ZNF774: variants seen among roughly 807,000 people sequenced by gnomAD.
ZNF774 encodes the protein zinc finger protein 774.
ZNF774 carries 14 observed loss-of-function variants against 11.1 expected under a neutral mutation model. That is an observed-to-expected ratio of 1.26 (90% CI 0.83 to 1.97). The LOEUF (loss-of-function observed/expected upper bound fraction) is 1.97. ZNF774 is among the 30% of genes most tolerant of loss of function. ZNF774 has a pLI of 0.00. For missense variants in ZNF774, 599 were observed against 587.0 expected, an observed-to-expected ratio of 1.02 and a Z score of -0.21; for synonymous variants, 195 against 212.6, an observed-to-expected ratio of 0.92 and a Z score of 0.72.
In ZNF774 at chr15:90,362,455, A is replaced by G; in HGVS notation, c.*1172A>G. 2.4e-6 allele frequency: 3 copies of G among 1,230,226 alleles called. No individual in the cohort carries two copies. Among genetic ancestry groups the G allele is most frequent in the Non-Finnish European group, 3.4e-6 (3 of 870,512 alleles). The allele number at this position is 1,230,226 out of a possible 1,614,324, so 76.2% of individuals were successfully genotyped here. On this transcript the variant is annotated 3_prime_UTR_variant, in exon 4 of 4. Transcript: ENST00000354377. ...TGATATTACAGGGATCCTCCCTGGC[A>G]TTTAGCTGAAGGAAGCAACTCTTGT...
chr15:90,358,635 TC>T (rs1964279472), intron 2 of ZNF774, among the ~76,000 whole-genome samples: 1 of 152,214 alleles, frequency 6.6e-6, no homozygotes, highest in African/African-American at 2.4e-5. Flanking sequence ...TGGTTTTTTT[TC>T]TTTATGGGAG....
Position 90,358,932 on chromosome 15 carries a change from G to A in ZNF774, c.186G>A (p.Arg62=). The change falls in exon 3 of 4, where the codon AGG becomes AGA. Residue 62 remains arginine (R), a synonymous_variant. Coordinates refer to ENST00000354377, the MANE Select transcript of ZNF774 (RefSeq NM_001004309.3). ...WVLPLQNFEA[R]KIPRESHTDC... ...TACCACTCCAAAACTTTGAGGCGAG[G>A]AAGATCCCGAGGGAAAGCCACACAG... 1.2e-6 allele frequency: 2 copies of A among 1,613,824 alleles called. No individual in the cohort carries two copies. The highest frequency in any genetic ancestry group is 2.2e-5 in the South Asian group (2 of 91,078).
At chr15:90,354,819 G>T (rs1964221841) in intron 2 of ZNF774, 55 bp downstream of exon 2, 1 of 1,412,554 alleles carries the variant, frequency 7.1e-7, no homozygotes, top group Admixed American at 1.9e-5. Context: ...TTTTGAGACG[G>T]GGTCTCGCTC....
At position 90,360,241 on chromosome 15, in the gene ZNF774, G is replaced by C. The variant is rs1273882926; in HGVS notation, c.410G>C (p.Arg137Thr). Residue 137 changes from arginine to threonine, a missense_variant, in exon 4 of 4, where the codon AGG (arginine) becomes ACG (threonine). Coordinates refer to ENST00000354377, the MANE Select transcript of ZNF774 (RefSeq NM_001004309.3). ...CAGCTGGAGTCCTTTTCACAGGAGA[G>C]GGATTTAAACAAGCTCCTGGATGGA... Reference protein sequence around the residue: ...EGQLESFSQERDLNKLLDGYV... With the variant: ...EGQLESFSQETDLNKLLDGYV... 3 of 1,614,106 alleles carry C rather than the reference G, an allele frequency of 1.9e-6. No homozygotes were observed. Among genetic ancestry groups the C allele is most frequent in the Non-Finnish European group, 2.5e-6 (3 of 1,180,056 alleles).
In ZNF774 at chr15:90,360,604, C is replaced by T. The variant is rs1003689895; in HGVS notation, c.773C>T (p.Thr258Ile). The T allele has an allele frequency of 6.2e-7, 1 of 1,614,088 alleles. No homozygotes were observed. The highest frequency in any genetic ancestry group is 1.3e-5 in the African/African-American group (1 of 74,930). Residue 258 changes from threonine to isoleucine, a missense_variant, in exon 4 of 4, where the codon ACA becomes ATA. Physicochemically the swap from Thr to Ile is moderately conservative, Grantham distance 89 (BLOSUM62 -1). Coordinates refer to ENST00000354377, the MANE Select transcript of ZNF774 (RefSeq NM_001004309.3). ...CTCATAATGCACCAAAGAACCCACA[C>T]AGGCGAGAAGCCCTACGCGTGCCTG... is the stretch of plus-strand genomic sequence containing the variant. ...PHLIMHQRTH[T>I]GEKPYACLEC...
At position 90,360,954 on chromosome 15, in the gene ZNF774, T is replaced by C. The variant is rs754784539; in HGVS notation, c.1123T>C (p.Phe375Leu). 1 of 1,614,204 alleles carries C rather than the reference T, an allele frequency of 6.2e-7. No individual in the cohort carries two copies. Among genetic ancestry groups the C allele is most frequent in the Non-Finnish European group, 8.5e-7 (1 of 1,180,046 alleles). The change falls in exon 4 of 4, where the codon TTT becomes CTT. Residue 375 changes from phenylalanine (F) to leucine (L), a missense_variant. Phe to Leu is a conservative substitution (Grantham distance 22, BLOSUM62 0). Coordinates refer to ENST00000354377, the MANE Select transcript of ZNF774 (RefSeq NM_001004309.3). ...AAGAACACACACAGGTGAGAGACCTTTTAAGTGCGAAAACTGTGGGAAAGG... is the reference window on the plus strand; with the variant it reads ...AAGAACACACACAGGTGAGAGACCTCTTAAGTGCGAAAACTGTGGGAAAGG... ...HQRTHTGERP[F>L]KCENCGKGFA...
intron 1 of ZNF774, among the ~76,000 whole-genome samples, chr15:90,352,980 T>A (rs2151680037): frequency 6.6e-6 from 1 of 152,144 alleles, no homozygotes; most frequent in Non-Finnish European, 1.5e-5. Flanking sequence ...ACTCTTTTTT[T>A]TTTTTAGACG....
In ZNF774 at chr15:90,360,471, A is replaced by G; in HGVS notation, c.640A>G (p.Lys214Glu). ...GCCCTACCAATGCAAGGGGTGTGAGAAGAAATTCAGCGACAGCTCAACACT... is the reference window on the plus strand; with the variant it reads ...GCCCTACCAATGCAAGGGGTGTGAGGAGAAATTCAGCGACAGCTCAACACT... ...EKPYQCKGCE[K>E]KFSDSSTLIK... is the part of the protein sequence containing the mutation. Residue 214 changes from lysine (K) to glutamate (E), a missense_variant, in exon 4 of 4, where the codon AAG becomes GAG. Transcript: ENST00000354377. 6.2e-7 allele frequency: 1 copy of G among 1,613,940 alleles called. No homozygotes were observed. The highest frequency in any genetic ancestry group is 8.5e-7 in the Non-Finnish European group (1 of 1,180,036).
In ZNF774 at chr15:90,360,964, A is replaced by G. The variant is rs1439176315; in HGVS notation, c.1133A>G (p.Glu378Gly). Residue 378 changes from glutamate (E) to glycine (G), a missense_variant, in exon 4 of 4, where the codon GAA (glutamate) becomes GGA (glycine). Transcript: ENST00000354377. The stretch of plus-strand genomic sequence containing the variant: ...ACAGGTGAGAGACCTTTTAAGTGCG[A>G]AAACTGTGGGAAAGGATTCGCCGAC... Reference protein sequence around the residue: ...THTGERPFKCENCGKGFADSS... With the variant: ...THTGERPFKCGNCGKGFADSS... The G allele has an allele frequency of 6.2e-7, 1 of 1,614,086 alleles. No individual in the cohort carries two copies. Among genetic ancestry groups the G allele is most frequent in the African/African-American group, 1.3e-5 (1 of 74,924 alleles).
chr15:90,358,220 C>T (rs1177487814), intron 2 of ZNF774, among the ~76,000 whole-genome samples: 4 of 152,170 alleles, frequency 2.6e-5, no homozygotes, highest in African/African-American at 9.7e-5. Flanking sequence ...GACATTGAGA[C>T]ACAGAGTTTA....
chr15:90,357,106 T>C (rs1197023087), intron 2 of ZNF774, among the ~76,000 whole-genome samples: 1 of 152,188 alleles, frequency 6.6e-6, no homozygotes, highest in African/African-American at 2.4e-5. Context: ...TTTAATACTT[T>C]GCAAAATGCC....
chr15:90,353,280 CTT>C (rs1189495237), intron 1 of ZNF774, among the ~76,000 whole-genome samples: 1 of 152,088 alleles, frequency 6.6e-6, no homozygotes, highest in African/African-American at 2.4e-5. Flanking sequence ...ACTGAAAACT[CTT>C]ATTACAATTT....
At chr15:90,352,887 CCCT>C (rs1331630086) in intron 1 of ZNF774, among the ~76,000 whole-genome samples, 5 of 152,094 alleles carry the variant, frequency 3.3e-5, no homozygotes, top group Non-Finnish European at 7.4e-5. Flanking sequence ...AAGACGTCTC[CCCT>C]CCTCAGTGGC....
rs1009184031 is a variant in ZNF774 at position 90,360,341 on chromosome 15, A to C, written c.510A>C (p.Leu170=). Reference sequence around the variant, plus strand: ...AGAGTTCCTATCTCATAAGACACCTAAGAACCCACACTGGCGAGAGGCCCT... The same window carrying C: ...AGAGTTCCTATCTCATAAGACACCTCAGAACCCACACTGGCGAGAGGCCCT... ...FNQSSYLIRH[L]RTHTGERPYT... Residue 170 remains leucine, a synonymous_variant, in exon 4 of 4, where the codon CTA becomes CTC. Coordinates refer to ENST00000354377, the MANE Select transcript of ZNF774 (RefSeq NM_001004309.3). 6.2e-7 allele frequency: 1 copy of C among 1,614,214 alleles called. No individual in the cohort carries two copies. Among genetic ancestry groups the C allele is most frequent in the Non-Finnish European group, 8.5e-7 (1 of 1,180,032 alleles).
chr15:90,355,320 T>C (rs1260512062), intron 2 of ZNF774: 3 of 456,018 alleles, frequency 6.6e-6, no homozygotes, highest in African/African-American at 2.0e-5. Flanking sequence ...CATAACTTTT[T>C]GACTTATGTA....
At chr15:90,354,165 G>A (rs1227653429) in intron 1 of ZNF774, among the ~76,000 whole-genome samples, 1 of 151,164 alleles carries the variant, frequency 6.6e-6, no homozygotes, top group Non-Finnish European at 1.5e-5. Flanking sequence ...TTGGGGTTCT[G>A]TATAATCTGT....
Position 90,361,320 on chromosome 15 carries a change from T to C in ZNF774, c.*37T>C, listed in dbSNP as rs1162856207. On this transcript the variant is annotated 3_prime_UTR_variant, in exon 4 of 4. Transcript: ENST00000354377. ...TGGTGTTCAGCTGCTCCCTTGCACA[T>C]TTTCATTGCTACTGTCTTCAAGCAC... 1 of 1,541,044 alleles carries C rather than the reference T, an allele frequency of 6.5e-7. No homozygotes were observed. Among genetic ancestry groups the C allele is most frequent in the Admixed American group, 2.0e-5 (1 of 49,874 alleles).
intron 2 of ZNF774, among the ~76,000 whole-genome samples, chr15:90,356,057 A>G (rs1320689999): frequency 6.7e-6 from 1 of 149,922 alleles, no homozygotes; most frequent in Non-Finnish European, 1.5e-5. Context: ...AAAAAAACCA[A>G]AAACACCTCC....
chr15:90,355,471 T>C, intron 2 of ZNF774: 1 of 455,862 alleles, frequency 2.2e-6, no homozygotes, highest in South Asian at 1.5e-5. Context: ...ACGCCTGTAA[T>C]CCCAGCACTT....
Sources: gnomAD v4.1 joint callset for allele counts (sites outside exome capture counted in the v4.1 genomes callset) on GRCh38, gnomAD v4.1.1 for gene constraint, MANE v1.5 for transcripts, NCBI Gene and HGNC (gene_info 2026-07-23, HGNC 2026-07-21) for gene names.